CAMK2A: variants seen among roughly 807,000 people sequenced by gnomAD.
The protein encoded by CAMK2A is calcium/calmodulin dependent protein kinase II alpha.
CAMK2A carries 7 observed loss-of-function variants against 79.2 expected under a neutral mutation model. That is an observed-to-expected ratio of 0.09 (90% CI 0.05 to 0.17). The LOEUF (loss-of-function observed/expected upper bound fraction) is 0.17, where lower values mean the gene tolerates loss of function less well. Ranked by LOEUF, CAMK2A falls within the 10% of genes least tolerant of loss-of-function variation. The pLI is 1.00. For synonymous variants in CAMK2A, 242 were observed against 251.7 expected (o/e 0.96, Z 0.36); for missense variants, 214 against 646.4 (o/e 0.33, Z 7.25).
intron 1 of CAMK2A, among the ~76,000 whole-genome samples, chr5:150,278,661 A>G (rs899052127): frequency 1.3e-5 from 2 of 151,890 alleles, no homozygotes; most frequent in African/African-American, 4.8e-5. Context: ...GGCCATGGGC[A>G]GTCCTGGAAG....
At chr5:150,263,513 TCA>T (rs962407584) in intron 3 of CAMK2A, among the ~76,000 whole-genome samples, 21 of 145,548 alleles carry the variant, frequency 1.4e-4, no homozygotes, top group South Asian at 4.4e-4. Flanking sequence ...ATACACACAT[TCA>T]CACACACACT....
intron 15 of CAMK2A, among the ~76,000 whole-genome samples, chr5:150,236,234 A>T (rs1755053320): frequency 1.3e-5 from 2 of 152,350 alleles, no homozygotes; most frequent in Non-Finnish European, 1.5e-5. Flanking sequence ...CCTAATTTAC[A>T]TTAATAGTGC....
chr5:150,273,328 G>A (rs1005680586), intron 1 of CAMK2A, among the ~76,000 whole-genome samples, 169 bp from the exon 2 acceptor site: 1 of 152,188 alleles, frequency 6.6e-6, no homozygotes, highest in Non-Finnish European at 1.5e-5. Flanking sequence ...CGAGGCCAGA[G>A]AGACCCAGAA....
Position 150,222,981 on chromosome 5 carries a change from A to T in CAMK2A, c.1466+8T>A, listed in dbSNP as rs772762519. ...TTACCCTGGGAGGCAGGAAGGAGGGATTCTTACTGGGGCAGGACGGAGGGC... is the reference window on the plus strand; with the variant it reads ...TTACCCTGGGAGGCAGGAAGGAGGGTTTCTTACTGGGGCAGGACGGAGGGC... On this transcript the variant is annotated splice_region_variant and intron_variant, in intron 18 of 18. Transcript: ENST00000671881. 6.2e-7 allele frequency: 1 copy of T among 1,611,220 alleles called. No homozygotes were observed. The highest frequency in any genetic ancestry group is 8.5e-7 in the Non-Finnish European group (1 of 1,177,450).
chr5:150,268,409 C>G (rs923897305), intron 2 of CAMK2A, among the ~76,000 whole-genome samples: 5 of 152,162 alleles, frequency 3.3e-5, no homozygotes, highest in Admixed American at 3.3e-4. Context: ...CCTGGGTCTT[C>G]TCATCAGGCA....
intron 18 of CAMK2A, 49 bp from the exon 19 acceptor site, chr5:150,222,762 G>A: frequency 6.2e-7 from 1 of 1,611,852 alleles, no homozygotes; most frequent in Non-Finnish European, 8.5e-7. Flanking sequence ...TTTCCTGCTT[G>A]GGCAACCCAC....
At chr5:150,226,843 G>A (rs560472699) in intron 17 of CAMK2A, among the ~76,000 whole-genome samples, 8 of 147,118 alleles carry the variant, frequency 5.4e-5, no homozygotes, top group East Asian at 2.0e-4. Flanking sequence ...TTGCTCTGTC[G>A]CCCAGGCTGG....
At chr5:150,253,726 C>T (rs1755934750) in intron 6 of CAMK2A, among the ~76,000 whole-genome samples, 180 bp from the exon 7 acceptor site, 1 of 152,198 alleles carries the variant, frequency 6.6e-6, no homozygotes, top group Non-Finnish European at 1.5e-5. Flanking sequence ...AGAGAGGGGA[C>T]TATCCTATGG....
At position 150,222,705 on chromosome 5, in the gene CAMK2A, G is replaced by T; in HGVS notation, c.*5C>A. ...ACAGCAACGCAGCGACCCCAGCCTG[G>T]TCCCTCAGCTGTAAGACACACACGG... On this transcript the variant is annotated 3_prime_UTR_variant, in exon 19 of 19. Coordinates refer to ENST00000671881, the MANE Select transcript of CAMK2A (RefSeq NM_015981.4). 1 of 1,614,036 alleles carries T rather than the reference G, an allele frequency of 6.2e-7. No homozygotes were observed. Among genetic ancestry groups the T allele is most frequent in the South Asian group, 1.1e-5 (1 of 91,084 alleles).
intron 11 of CAMK2A, 40 bp downstream of exon 11, chr5:150,250,186 A>T: frequency 6.8e-7 from 1 of 1,468,394 alleles, no homozygotes; most frequent in Admixed American, 1.7e-5. Context: ...AGGCAGAGCT[A>T]GTCCCATGGC....
intron 13 of CAMK2A, 145 bp downstream of exon 13, chr5:150,245,016 G>A: frequency 2.6e-6 from 2 of 767,004 alleles, no homozygotes; most frequent in East Asian, 2.7e-5. Context: ...TCGTGGGTCT[G>A]GAGACAGCCT....
intron 15 of CAMK2A, among the ~76,000 whole-genome samples, chr5:150,237,039 T>C (rs757396513): frequency 6.6e-6 from 1 of 152,082 alleles, no homozygotes; most frequent in Non-Finnish European, 1.5e-5. Flanking sequence ...AATGTATTTT[T>C]ATAAGTTGTC....
rs1429982948 is a variant in CAMK2A, at chr5:150,284,723, C to T, written c.62+4841G>A. ...CATCCTTTGGCCTCTGGTCCCTGCA[C>T]GTCATCTAGTCCCCTAGCCTGGGCC... On this transcript the variant is annotated intron_variant, in intron 1 of 18. Coordinates refer to ENST00000671881, the MANE Select transcript of CAMK2A (RefSeq NM_015981.4). The surrounding 1 kb of genome is among the most constrained non-coding windows in gnomAD (Gnocchi z 5.3). Among the ~76,000 whole-genome samples the T allele has an allele frequency of 3.9e-5, 6 of 152,202 alleles. No homozygotes were observed. Among genetic ancestry groups the T allele is most frequent in the Admixed American group, 6.5e-5 (1 of 15,286 alleles).
chr5:150,272,140 G>A (rs1756771977), intron 2 of CAMK2A, among the ~76,000 whole-genome samples: 1 of 152,194 alleles, frequency 6.6e-6, no homozygotes, highest in African/African-American at 2.4e-5. Context: ...CCTAGGTGCT[G>A]GGTGCAGAGT....
At chr5:150,259,249 G>T (rs1347890973) in intron 3 of CAMK2A, among the ~76,000 whole-genome samples, 1 of 151,988 alleles carries the variant, frequency 6.6e-6, no homozygotes, top group Non-Finnish European at 1.5e-5. Context: ...GGCCAGGTGC[G>T]GTGGCTCACC....
chr5:150,226,606 G>A (rs1251528809), intron 17 of CAMK2A, among the ~76,000 whole-genome samples: 2 of 150,208 alleles, frequency 1.3e-5, no homozygotes, highest in Non-Finnish European at 1.5e-5. Flanking sequence ...GTGTGTTGGC[G>A]GGCACCTGTA....
rs924637847 is a variant in CAMK2A at position 150,256,152 on chromosome 5, C to G, written c.411+421G>C. On this transcript the variant is annotated intron_variant, in intron 6 of 18. Coordinates refer to ENST00000671881, the MANE Select transcript of CAMK2A (RefSeq NM_015981.4). This position sits in a 1 kb window ranked among gnomAD's most constrained non-coding sequence, Gnocchi z 4.6. ...GCCCCGTGCTATCTCATTTCATATC[C>G]TCACCAACCCTTTGCAGAGGTTGCT... Among the ~76,000 whole-genome samples, 1 of 152,230 alleles carries G rather than the reference C, an allele frequency of 6.6e-6. No homozygotes were observed. Among genetic ancestry groups the G allele is most frequent in the Non-Finnish European group, 1.5e-5 (1 of 68,042 alleles).
intron 11 of CAMK2A, among the ~76,000 whole-genome samples, chr5:150,248,290 A>G (rs1168241247): frequency 6.9e-6 from 1 of 145,434 alleles, no homozygotes; most frequent in Non-Finnish European, 1.5e-5. Flanking sequence ...TCCCAGGAGG[A>G]TTTTCTCTTT....
At chr5:150,241,583 CCTT>C (rs1344338051) in intron 13 of CAMK2A, among the ~76,000 whole-genome samples, 2 of 146,434 alleles carry the variant, frequency 1.4e-5, no homozygotes, top group African/African-American at 5.1e-5. Context: ...TTCCTCTCTT[CCTT>C]CTTGTCCTCT....
Sources: allele counts gnomAD v4.1 joint callset (sites outside exome capture counted in the v4.1 genomes callset), GRCh38; gene constraint gnomAD v4.1.1; non-coding constraint Gnocchi (gnomAD v3.1); transcripts MANE v1.5; gene names NCBI Gene and HGNC (gene_info 2026-07-23, HGNC 2026-07-21).